LRP1B: variants seen among roughly 807,000 people sequenced by gnomAD.
LRP1B encodes low-density lipoprotein receptor-related protein 1B.
A neutral mutation model predicts 556.6 loss-of-function variants in LRP1B; 217 were observed. The ratio of observed to expected loss-of-function variants is 0.39; its 90% CI spans 0.35 to 0.44. The LOEUF (loss-of-function observed/expected upper bound fraction) is 0.44, where lower values mean the gene tolerates loss of function less well. Among genes scored for constraint, LRP1B ranks in the 20% least tolerant of loss-of-function variants. LRP1B has a pLI of 1.00. For missense variants in LRP1B, 5,053 were observed against 5,620.8 expected (o/e 0.90, Z 3.23); for synonymous variants, 2,047 against 1,865.8 (o/e 1.10, Z -2.50).
chr2:141,015,637 A>T (rs888685640), intron 13 of LRP1B, 59 bp downstream of exon 13: 51 of 1,316,450 alleles, frequency 3.9e-5, no homozygotes, highest in Non-Finnish European at 5.0e-5. Context: ...ACACAACACA[A>T]CAAGGCTCTG....
chr2:141,175,508 C>T lies in LRP1B; in HGVS notation c.1013+12913G>A, dbSNP rs369777302. 2.8e-4 allele frequency among the ~76,000 whole-genome samples: 43 copies of T among 152,272 alleles called. 1 individual carries two copies. The East Asian group carries it at 7.6e-3, about 27-fold the overall frequency. ...GGGTACAAGCCCCAAGCTTCAGTGGCTTCCAGGTTGTGTTGAACCTGCATT... is the reference window on the plus strand; with the variant it reads ...GGGTACAAGCCCCAAGCTTCAGTGGTTTCCAGGTTGTGTTGAACCTGCATT... On this transcript the variant is annotated intron_variant, in intron 7 of 90. Transcript: ENST00000389484.
chr2:140,315,503 CCT>C (rs1684482395), intron 82 of LRP1B, among the ~76,000 whole-genome samples: 1 of 152,128 alleles, frequency 6.6e-6, no homozygotes, highest in Admixed American at 6.6e-5. Context: ...GCCTCAACTT[CCT>C]GGGCTCCAGT....
chr2:140,325,356 G>A (rs930955034), intron 80 of LRP1B, among the ~76,000 whole-genome samples: 27 of 152,042 alleles, frequency 1.8e-4, no homozygotes, highest in Admixed American at 4.6e-4. Context: ...TATATCCTTC[G>A]GTGGTAACAA....
At position 141,659,688 on chromosome 2, in the gene LRP1B, T is replaced by G. The variant is rs1254436576; in HGVS notation, c.205+150591A>C. On this transcript the variant is annotated intron_variant, in intron 2 of 90. Coordinates refer to ENST00000389484, the MANE Select transcript of LRP1B (RefSeq NM_018557.3). ...ATATGTAACTGTGGCCGACTAGATC[T>G]ATGAGGCATATATTTGAGAGTCATT... Among the ~76,000 whole-genome samples, 9 of 152,170 alleles carry G rather than the reference T, an allele frequency of 5.9e-5. 1 individual carries two copies. The East Asian group carries it at 9.7e-4, about 16-fold the overall frequency.
At chr2:141,727,184 T>C (rs937292783) in intron 2 of LRP1B, among the ~76,000 whole-genome samples, 3 of 152,066 alleles carry the variant, frequency 2.0e-5, no homozygotes, top group Non-Finnish European at 1.5e-5. Context: ...AGAAAAGTAA[T>C]AGCAGATAAT....
intron 7 of LRP1B, among the ~76,000 whole-genome samples, chr2:141,084,946 G>C (rs1246036776): frequency 1.3e-5 from 2 of 152,090 alleles, no homozygotes; most frequent in East Asian, 1.9e-4. Flanking sequence ...ACCGCGCCCG[G>C]CCTCTCTTTC....
chr2:140,646,727 G>C (rs987689949), intron 41 of LRP1B, among the ~76,000 whole-genome samples: 3 of 151,586 alleles, frequency 2.0e-5, no homozygotes, highest in Non-Finnish European at 4.4e-5. Flanking sequence ...TCTCAATATT[G>C]TTTTATTTTT....
chr2:140,728,154 T>C (rs1005181226), intron 35 of LRP1B, among the ~76,000 whole-genome samples: 2 of 9,178 alleles, frequency 2.2e-4, no homozygotes, highest in Non-Finnish European at 2.8e-3. Flanking sequence ...CATTACTTGT[T>C]ATTAAAAAAA....
At chr2:141,444,691 G>T (rs901788971) in intron 3 of LRP1B, among the ~76,000 whole-genome samples, 1 of 152,132 alleles carries the variant, frequency 6.6e-6, no homozygotes, top group Non-Finnish European at 1.5e-5. Flanking sequence ...TAATCATGTA[G>T]TTTTTGTCAT....
At chr2:141,198,073 G>A (rs1023459366) in intron 6 of LRP1B, among the ~76,000 whole-genome samples, 5 of 152,052 alleles carry the variant, frequency 3.3e-5, no homozygotes, top group African/African-American at 1.2e-4. Flanking sequence ...TCTCTTGAAT[G>A]GTTTAAGTGG....
intron 1 of LRP1B, among the ~76,000 whole-genome samples, chr2:141,936,855 A>G (rs1369703779): frequency 1.3e-5 from 2 of 151,950 alleles, no homozygotes; most frequent in East Asian, 3.9e-4. Flanking sequence ...TACATAGCCA[A>G]CATTCATTAT....
At chr2:141,009,899 G>A (rs1227470545) in intron 14 of LRP1B, among the ~76,000 whole-genome samples, 1 of 151,944 alleles carries the variant, frequency 6.6e-6, no homozygotes, top group Non-Finnish European at 1.5e-5. Context: ...ATACTTTCTG[G>A]TCAAACAGAT....
chr2:141,197,925 C>A lies in LRP1B; in HGVS notation c.851-9342G>T, dbSNP rs146562571. ...AAAAATTCCAAATCCAGATTTGTTT[C>A]TATTCACGTTTCTGTTCTTGTATAT... On this transcript the variant is annotated intron_variant, in intron 6 of 90. Transcript: ENST00000389484. Among the ~76,000 whole-genome samples the A allele has an allele frequency of 6.4e-3, 971 of 152,158 alleles. 34 individuals are homozygous for A. Among genetic ancestry groups the A allele is most frequent in the Admixed American group, 0.057 (864 of 15,286 alleles).
intron 41 of LRP1B, 29 bp downstream of exon 41, chr2:140,700,221 C>A: frequency 6.4e-7 from 1 of 1,570,982 alleles, no homozygotes; most frequent in South Asian, 1.1e-5. Context: ...CTCATTTCCA[C>A]CTATTTAAAA....
chr2:140,382,803 C>T (rs1474757115), intron 67 of LRP1B, among the ~76,000 whole-genome samples: 2 of 152,140 alleles, frequency 1.3e-5, no homozygotes, highest in Non-Finnish European at 2.9e-5. Flanking sequence ...AATTATGTTG[C>T]TGTTATTTTT....
At chr2:140,948,924 A>G (rs575535703) in intron 20 of LRP1B, among the ~76,000 whole-genome samples, 65 of 152,372 alleles carry the variant, frequency 4.3e-4, no homozygotes, top group Non-Finnish European at 8.8e-4. Context: ...TTTAATAACC[A>G]CTGTTTTAAG....
chr2:141,009,304 C>G (rs1697671158), intron 14 of LRP1B, among the ~76,000 whole-genome samples: 1 of 151,694 alleles, frequency 6.6e-6, no homozygotes, highest in Non-Finnish European at 1.5e-5. Context: ...GATCCTGAGG[C>G]CAGATGAATT....
intron 3 of LRP1B, among the ~76,000 whole-genome samples, chr2:141,255,775 C>A (rs1684438810): frequency 6.6e-6 from 1 of 151,722 alleles, no homozygotes. Flanking sequence ...TACTGCTTCT[C>A]CTTGGATTTC....
At chr2:141,159,143 G>C (rs1442036310) in intron 7 of LRP1B, among the ~76,000 whole-genome samples, 2 of 152,102 alleles carry the variant, frequency 1.3e-5, no homozygotes, top group Admixed American at 1.3e-4. Flanking sequence ...GCCTAAATAT[G>C]TATCACATTT....
Sources: gnomAD v4.1 joint callset for allele counts (sites outside exome capture counted in the v4.1 genomes callset) on GRCh38, gnomAD v4.1.1 for gene constraint, MANE v1.5 for transcripts, NCBI Gene and HGNC (gene_info 2026-07-23, HGNC 2026-07-21) for gene names.